KHDRBS2: variants seen among roughly 807,000 people sequenced by gnomAD.
KHDRBS2 encodes the protein KH RNA binding domain containing, signal transduction associated 2, also known as KH domain-containing, RNA-binding, signal transduction-associated protein 2.
A neutral mutation model predicts 44.3 loss-of-function variants in KHDRBS2; 26 were observed. The ratio of observed to expected loss-of-function variants is 0.59; its 90% CI spans 0.43 to 0.81. The LOEUF is 0.81. Among genes scored for constraint, KHDRBS2 ranks in the 40% least tolerant of loss-of-function variants. The pLI is 0.00. For missense variants in KHDRBS2, 476 were observed against 433.1 expected, an observed-to-expected ratio of 1.10 and a Z score of -0.88; for synonymous variants, 194 against 151.1, an observed-to-expected ratio of 1.28 and a Z score of -2.08.
At chr6:61,615,345 A>G in the KHDRBS2 span, among the ~76,000 whole-genome samples, 2 of 152,128 alleles carry the variant, frequency 1.3e-5, no homozygotes, top group Non-Finnish European at 2.9e-5. Flanking sequence ...TGTAAGCATT[A>G]AATAAATATT....
Position 61,934,151 on chromosome 6 carries a change from G to GT in KHDRBS2, c.484-32781dup, listed in dbSNP as rs748867617. On this transcript the variant is annotated intron_variant, in intron 4 of 8. Transcript: ENST00000281156. ...TTTTTTAATGTGAGTTATTTGTCGGGTTTTTTTTTGCAGTTGAATTGTTTG... is the reference window on the plus strand; with the variant it reads ...TTTTTTAATGTGAGTTATTTGTCGGGTTTTTTTTTTGCAGTTGAATTGTTTG... Among the ~76,000 whole-genome samples, 523 of 150,336 alleles carry GT rather than the reference G, an allele frequency of 3.5e-3. 3 individuals are homozygous for GT. Among genetic ancestry groups the GT allele is most frequent in the African/African-American group, 0.01 (424 of 41,020 alleles).
At chr6:61,823,557 C>T (rs1404233122) in intron 6 of KHDRBS2, among the ~76,000 whole-genome samples, 3 of 151,958 alleles carry the variant, frequency 2.0e-5, no homozygotes, top group Non-Finnish European at 2.9e-5. Flanking sequence ...TCTTAGTATG[C>T]GATATTTCTC....
At chr6:61,761,480 A>AC (rs1312844778) in intron 6 of KHDRBS2, among the ~76,000 whole-genome samples, 1 of 152,204 alleles carries the variant, frequency 6.6e-6, no homozygotes, top group East Asian at 1.9e-4. Context: ...ATTTAGACAC[A>AC]CCAACTAATA....
the KHDRBS2 span, among the ~76,000 whole-genome samples, chr6:61,591,824 G>C: frequency 3.3e-5 from 5 of 152,208 alleles, no homozygotes; most frequent in East Asian, 9.7e-4. Flanking sequence ...GCAGGGAAGG[G>C]GTCAAGGTAA....
chr6:62,073,676 A>G (rs1795753670), intron 2 of KHDRBS2, among the ~76,000 whole-genome samples: 1 of 151,200 alleles, frequency 6.6e-6, no homozygotes, highest in African/African-American at 2.4e-5. Flanking sequence ...CTTCTTTTTA[A>G]TATAGGCATT....
the KHDRBS2 span, among the ~76,000 whole-genome samples, chr6:61,584,818 T>C: frequency 2.0e-5 from 3 of 151,832 alleles, no homozygotes; most frequent in African/African-American, 7.2e-5. Flanking sequence ...AATCACAATA[T>C]AACAACTTTA....
intron 4 of KHDRBS2, among the ~76,000 whole-genome samples, chr6:61,955,199 CATAT>C (rs1292457167): frequency 1.4e-5 from 2 of 141,248 alleles, no homozygotes; most frequent in African/African-American, 2.6e-5. Context: ...TGTATGTATA[CATAT>C]ATATGTATAC....
chr6:61,970,278 G>T (rs546253223), intron 4 of KHDRBS2, among the ~76,000 whole-genome samples: 12 of 151,764 alleles, frequency 7.9e-5, no homozygotes, highest in African/African-American at 2.9e-4. Context: ...TTTCTTGTTT[G>T]CATGAATAAA....
At chr6:62,091,030 G>A (rs1462150810) in intron 2 of KHDRBS2, among the ~76,000 whole-genome samples, 2 of 152,148 alleles carry the variant, frequency 1.3e-5, no homozygotes, top group African/African-American at 4.8e-5. Flanking sequence ...GAATGTCAGG[G>A]CCTGTCATAC....
At chr6:62,277,637 C>T (rs114348909) in intron 1 of KHDRBS2, among the ~76,000 whole-genome samples, 3,853 of 152,168 alleles carry the variant, frequency 0.025, 129 homozygotes, top group African/African-American at 0.082. Context: ...CCACTGTGCC[C>T]GGCCCATATG....
At chr6:61,596,046 G>A in the KHDRBS2 span, among the ~76,000 whole-genome samples, 1 of 152,114 alleles carries the variant, frequency 6.6e-6, no homozygotes, top group Non-Finnish European at 1.5e-5. Flanking sequence ...GTGGAGCTCA[G>A]AACAGAAGAC....
intron 2 of KHDRBS2, among the ~76,000 whole-genome samples, chr6:62,055,800 C>T (rs1225123436): frequency 1.3e-5 from 2 of 151,958 alleles, no homozygotes; most frequent in Admixed American, 6.6e-5. Flanking sequence ...ATTTGGAAGA[C>T]GGACATGAAT....
At chr6:61,804,446 C>A (rs1018384786) in intron 6 of KHDRBS2, among the ~76,000 whole-genome samples, 1 of 152,052 alleles carries the variant, frequency 6.6e-6, no homozygotes, top group African/African-American at 2.4e-5. Flanking sequence ...GGTGGATCTA[C>A]CATTCTGGGG....
At chr6:61,919,432 G>A (rs1026279800) in intron 4 of KHDRBS2, among the ~76,000 whole-genome samples, 26 of 151,904 alleles carry the variant, frequency 1.7e-4, no homozygotes, top group African/African-American at 6.3e-4. Flanking sequence ...AGGCACATTG[G>A]GAATCGACTG....
chr6:61,617,562 A>G, the KHDRBS2 span, among the ~76,000 whole-genome samples: 1 of 152,180 alleles, frequency 6.6e-6, no homozygotes, highest in South Asian at 2.1e-4. Context: ...TGTGATTAGA[A>G]TTAAATGTTA....
chr6:61,755,374 C>T (rs944439023), intron 6 of KHDRBS2, among the ~76,000 whole-genome samples: 31 of 152,010 alleles, frequency 2.0e-4, no homozygotes, highest in African/African-American at 7.3e-4. Flanking sequence ...CCTTATTAGT[C>T]CTGGACTATG....
At chr6:61,848,533 A>ATATGTG (rs1562294748) in intron 6 of KHDRBS2, among the ~76,000 whole-genome samples, 1 of 50,794 alleles carries the variant, frequency 2.0e-5, no homozygotes, top group African/African-American at 1.8e-4. Context: ...ATATATATAC[A>ATATGTG]TATATATGTA....
At chr6:61,548,104 G>T in the KHDRBS2 span, among the ~76,000 whole-genome samples, 28 of 152,188 alleles carry the variant, frequency 1.8e-4, no homozygotes, top group Non-Finnish European at 3.8e-4. Flanking sequence ...CTGAAATGAT[G>T]AATCTAATAC....
At chr6:61,557,388 T>G in the KHDRBS2 span, among the ~76,000 whole-genome samples, 17 of 152,154 alleles carry the variant, frequency 1.1e-4, no homozygotes, top group South Asian at 2.1e-4. Flanking sequence ...AGAATATATA[T>G]AGAGAGTGTC....
Sources: gnomAD v4.1 joint callset for allele counts (sites outside exome capture counted in the v4.1 genomes callset) on GRCh38, gnomAD v4.1.1 for gene constraint, MANE v1.5 for transcripts, NCBI Gene and HGNC (gene_info 2026-07-23, HGNC 2026-07-21) for gene names.